SCLY: variants seen among roughly 807,000 people sequenced by gnomAD.
SCLY encodes putative selenocysteine lyase.
A neutral mutation model predicts 50.1 loss-of-function variants in SCLY; 38 were observed. The observed-to-expected ratio is 0.76, with a 90% CI of 0.59 to 0.99. The LOEUF is 0.99. Ranked by LOEUF, SCLY falls within the 50% of genes least tolerant of loss-of-function variation. The probability of loss-of-function intolerance (pLI) is 0.00; values close to 1 mark genes in which losing one functional copy is unlikely to be tolerated. For synonymous variants in SCLY, 243 were observed against 249.4 expected (o/e 0.97, Z 0.24); for missense variants, 600 against 620.0 (o/e 0.97, Z 0.34).
chr2:238,091,560 G>C, intron 8 of SCLY: 148 of 313,128 alleles, frequency 4.7e-4, no homozygotes, highest in South Asian at 1.1e-3. Flanking sequence ...CATTCCCAAA[G>C]GCGTCGGCAG....
intron 1 of SCLY, chr2:238,061,522 T>G: frequency 6.3e-6 from 1 of 159,082 alleles, no homozygotes; most frequent in Middle Eastern, 1.8e-3. Flanking sequence ...TTCGGAGCCT[T>G]ATGGGGCCTC....
At chr2:238,090,906 G>A (rs1428688395) in intron 7 of SCLY, among the ~76,000 whole-genome samples, 1 of 152,190 alleles carries the variant, frequency 6.6e-6, no homozygotes, top group African/African-American at 2.4e-5. Context: ...ACTAAAGAGA[G>A]CTGTGCCTTG....
At position 238,069,387 on chromosome 2, in the gene SCLY, A is replaced by G. The variant is rs1372484469; in HGVS notation, c.394A>G (p.Lys132Glu). The change falls in exon 4 of 12, where the codon AAG becomes GAG. Residue 132 changes from lysine to glutamate, a missense_variant. Transcript: ENST00000254663. The surrounding 1 kb of genome is among the most constrained non-coding windows in gnomAD (Gnocchi z 5.0). ...GHTGGHHSPV[K>E]GAKPHFITSS... ...CACAGGTGGGCACCACAGCCCAGTG[A>G]AGGGGGCCAAGCCCCATTTCATTAC... is the stretch of plus-strand genomic sequence containing the variant. The G allele has an allele frequency of 6.2e-7, 1 of 1,614,214 alleles. No individual in the cohort carries two copies. The highest frequency in any genetic ancestry group is 1.7e-5 in the Admixed American group (1 of 60,028).
At position 238,099,001 on chromosome 2, in the gene SCLY, G is replaced by A. The variant is rs1168446076; in HGVS notation, c.*646G>A. On this transcript the variant is annotated 3_prime_UTR_variant, in exon 12 of 12. Coordinates refer to ENST00000254663, the MANE Select transcript of SCLY (RefSeq NM_016510.7). ...AGGCCTGCTCTGCTCAGCGCCCACC[G>A]CCCACCACCCCTCCTGCTTCCCCGA... 2.4e-5 allele frequency: 8 copies of A among 331,672 alleles called. No individual in the cohort carries two copies. Among genetic ancestry groups the A allele is most frequent in the Non-Finnish European group, 4.1e-5 (7 of 170,612 alleles). 20.5% of individuals were successfully genotyped at this position (331,672 alleles called of 1,614,324 possible).
chr2:238,098,408 GGGTTGTCCCTCCA>G lies in SCLY; in HGVS notation c.*55_*67del. ...TCTGGGAAGCCCGTGGCAGGGCACAGGGTTGTCCCTCCAGTTCCCTCCTGAGGGCTGTGCCAGG... is the reference window on the plus strand; with the variant it reads ...TCTGGGAAGCCCGTGGCAGGGCACAGGTTCCCTCCTGAGGGCTGTGCCAGG... On this transcript the variant is annotated 3_prime_UTR_variant, in exon 12 of 12. Transcript: ENST00000254663. The G allele has an allele frequency of 1.3e-6, 2 of 1,521,058 alleles. No homozygotes were observed. The highest frequency in any genetic ancestry group is 1.8e-6 in the Non-Finnish European group (2 of 1,135,526). The allele number at this position is 1,521,058 out of a possible 1,614,324, so 94.2% of individuals were successfully genotyped here.
At chr2:238,062,824 T>C (rs1036254163) in intron 1 of SCLY, among the ~76,000 whole-genome samples, 2 of 152,270 alleles carry the variant, frequency 1.3e-5, no homozygotes, top group Admixed American at 6.5e-5. Flanking sequence ...TTCATGTGGA[T>C]TGGTGTAAGC....
chr2:238,097,871 G>A (rs147352613), intron 11 of SCLY, among the ~76,000 whole-genome samples: 31 of 152,134 alleles, frequency 2.0e-4, no homozygotes, highest in Non-Finnish European at 4.3e-4. Flanking sequence ...TGTCTGTGTC[G>A]GCATCCGTGT....
At chr2:238,082,633 A>C (rs903682359) in intron 6 of SCLY, 1 of 189,450 alleles carries the variant, frequency 5.3e-6, no homozygotes, top group African/African-American at 2.3e-5. Context: ...CTCCTCAGCA[A>C]AACCTTTGCA....
At chr2:238,077,970 T>TA (rs1553564850) in intron 4 of SCLY, among the ~76,000 whole-genome samples, 3,795 of 151,002 alleles carry the variant, frequency 0.025, 165 homozygotes, top group African/African-American at 0.088. Flanking sequence ...TTTTTTTTTT[T>TA]AGACGGAATC....
At chr2:238,076,598 C>T (rs529780972) in intron 4 of SCLY, among the ~76,000 whole-genome samples, 2 of 151,462 alleles carry the variant, frequency 1.3e-5, no homozygotes, top group East Asian at 1.9e-4. Flanking sequence ...GGTCCTCTGC[C>T]TAGGAAAACC....
At chr2:238,077,390 G>T (rs1261370169) in intron 4 of SCLY, among the ~76,000 whole-genome samples, 2 of 152,116 alleles carry the variant, frequency 1.3e-5, no homozygotes, top group Non-Finnish European at 2.9e-5. Flanking sequence ...CTGACATGTT[G>T]TAATACACTG....
rs1691327496 is a variant in SCLY, at chr2:238,098,619, G to GAACCGCCCACATGGGACCGTCCACATA, written c.*264_*265insAACCGCCCACATGGGACCGTCCACATA. On this transcript the variant is annotated 3_prime_UTR_variant, in exon 12 of 12. Coordinates refer to ENST00000254663, the MANE Select transcript of SCLY (RefSeq NM_016510.7). ...ACCGCCCACATAGGACCGCCCACAT[G>GAACCGCCCACATGGGACCGTCCACATA]GGACCGCCCACATGGGACCGCCCAC... 4.9e-6 allele frequency: 1 copy of GAACCGCCCACATGGGACCGTCCACATA among 204,088 alleles called. No individual in the cohort carries two copies. Among genetic ancestry groups the GAACCGCCCACATGGGACCGTCCACATA allele is most frequent in the African/African-American group, 4.4e-5 (1 of 22,976 alleles). 12.6% of individuals were successfully genotyped at this position (204,088 alleles called of 1,614,324 possible).
At chr2:238,064,549 G>A (rs2065050987) in intron 2 of SCLY, 80 bp downstream of exon 2, 5 of 831,876 alleles carry the variant, frequency 6.0e-6, no homozygotes, top group South Asian at 5.7e-5. Flanking sequence ...ACACCCACAC[G>A]TGACGGCTTT....
At chr2:238,087,388 G>C (rs942267276) in intron 7 of SCLY, among the ~76,000 whole-genome samples, 11 of 152,172 alleles carry the variant, frequency 7.2e-5, no homozygotes, top group African/African-American at 2.7e-4. Flanking sequence ...TCTACACATA[G>C]GAAGTTGACA....
In SCLY at chr2:238,070,433, A is replaced by G. The variant is rs567820361; in HGVS notation, c.484+956A>G. 1.8e-4 allele frequency among the ~76,000 whole-genome samples: 27 copies of G among 152,302 alleles called. No individual in the cohort carries two copies. The South Asian group carries it at 5.0e-3, about 28-fold the overall frequency. On this transcript the variant is annotated intron_variant, in intron 4 of 11. Coordinates refer to ENST00000254663, the MANE Select transcript of SCLY (RefSeq NM_016510.7). ...GTGGCTCAAGCCTTGTAATCCTAGC[A>G]CTTTGGGAGGTGGAGGCGGGTGGAT...
chr2:238,082,480 G>A (rs556162507), intron 6 of SCLY, among the ~76,000 whole-genome samples: 5 of 152,318 alleles, frequency 3.3e-5, no homozygotes, highest in South Asian at 2.1e-4. Flanking sequence ...GGGAGGAGAC[G>A]TCGAGATCTC....
intron 2 of SCLY, among the ~76,000 whole-genome samples, chr2:238,065,824 G>A (rs889286300): frequency 5.3e-5 from 8 of 151,900 alleles, no homozygotes; most frequent in Admixed American, 3.3e-4. Context: ...AGAGGCACGC[G>A]CCACCATGCC....
intron 4 of SCLY, among the ~76,000 whole-genome samples, chr2:238,075,086 T>C (rs887912280): frequency 3.3e-5 from 5 of 152,164 alleles, no homozygotes; most frequent in African/African-American, 1.2e-4. Context: ...GAAGTTCCCT[T>C]CTGTGCTTGG....
intron 11 of SCLY, among the ~76,000 whole-genome samples, chr2:238,097,286 G>A (rs909975960): frequency 7.9e-5 from 12 of 152,222 alleles, no homozygotes; most frequent in Non-Finnish European, 1.8e-4. Context: ...TCAGCCATCT[G>A]CAAGATGCAG....
Sources: allele counts gnomAD v4.1 joint callset (sites outside exome capture counted in the v4.1 genomes callset), GRCh38; gene constraint gnomAD v4.1.1; non-coding constraint Gnocchi (gnomAD v3.1); transcripts MANE v1.5; gene names NCBI Gene and HGNC (gene_info 2026-07-23, HGNC 2026-07-21).